NRG1: variants seen among roughly 807,000 people sequenced by gnomAD.
NRG1 encodes pro-neuregulin-1, membrane-bound isoform.
NRG1 carries 18 observed loss-of-function variants against 63.8 expected under a neutral mutation model. The ratio of observed to expected loss-of-function variants is 0.28; its 90% CI spans 0.19 to 0.42. The LOEUF is 0.42. Among genes scored for constraint, NRG1 ranks in the 10% least tolerant of loss-of-function variants. The pLI is 1.00. For synonymous variants in NRG1, 302 were observed against 301.3 expected, an observed-to-expected ratio of 1.00 and a Z score of -0.02; for missense variants, 762 against 814.7, an observed-to-expected ratio of 0.94 and a Z score of 0.79.
At chr8:32,158,969 G>A (rs955270885) in intron 1 of NRG1, among the ~76,000 whole-genome samples, 2 of 152,122 alleles carry the variant, frequency 1.3e-5, no homozygotes, top group Admixed American at 6.5e-5. Context: ...TCTGGCAGGG[G>A]TCAGTGCTGC....
chr8:32,346,154 T>C (rs1163781391), intron 1 of NRG1, among the ~76,000 whole-genome samples: 2 of 147,464 alleles, frequency 1.4e-5, no homozygotes, highest in African/African-American at 2.5e-5. Flanking sequence ...ATAAATTATA[T>C]ATATAATTAT....
rs1029302069 is a variant in NRG1 at position 32,758,187 on chromosome 8, G to T, written c.922-1119G>T. Among the ~76,000 whole-genome samples the T allele has an allele frequency of 7.2e-5, 11 of 151,988 alleles. No homozygotes were observed. The South Asian group carries it at 2.3e-3, about 32-fold the overall frequency. On this transcript the variant is annotated intron_variant, in intron 9 of 11. Transcript: ENST00000356819. ...GTTTTCCTATTATTTAACTCAATTT[G>T]GTATAAATACTAACAGCAATTAAAA... is the stretch of plus-strand genomic sequence containing the variant.
chr8:32,487,945 C>T (rs778037786), intron 1 of NRG1, among the ~76,000 whole-genome samples: 5 of 152,138 alleles, frequency 3.3e-5, no homozygotes, highest in Non-Finnish European at 5.9e-5. Flanking sequence ...GGTTGTGCAA[C>T]AAGGGTACAA....
intron 1 of NRG1, among the ~76,000 whole-genome samples, chr8:31,932,075 C>A (rs1834911769): frequency 6.6e-6 from 1 of 152,008 alleles, no homozygotes; most frequent in Non-Finnish European, 1.5e-5. Context: ...GGCTCATCTC[C>A]TTTCCCCCCA....
At chr8:32,197,003 A>G (rs969701892) in intron 1 of NRG1, among the ~76,000 whole-genome samples, 1 of 108,354 alleles carries the variant, frequency 9.2e-6, no homozygotes, top group South Asian at 3.4e-4. Context: ...TCTGTCACCC[A>G]GGCTGGAGTG....
chr8:32,593,710 G>A (rs555719367), intron 1 of NRG1, among the ~76,000 whole-genome samples: 3 of 151,932 alleles, frequency 2.0e-5, no homozygotes, highest in African/African-American at 7.3e-5. Context: ...ATGATCTTAA[G>A]GAGTTAACAG....
chr8:32,767,630 TTTA>T (rs1468277009), exon 12 of NRG1: 1 of 152,236 alleles, frequency 6.6e-6, no homozygotes, highest in Non-Finnish European at 1.5e-5. Flanking sequence ...CATAATGTCC[TTTA>T]TTATTTATAT....
chr8:32,408,489 G>T (rs971065872), intron 1 of NRG1, among the ~76,000 whole-genome samples: 4 of 152,134 alleles, frequency 2.6e-5, no homozygotes, highest in African/African-American at 9.7e-5. Context: ...AGTTATTTGG[G>T]GAAGGAATGG....
At chr8:32,407,009 G>A (rs1329568524) in intron 1 of NRG1, among the ~76,000 whole-genome samples, 1 of 151,528 alleles carries the variant, frequency 6.6e-6, no homozygotes, top group Non-Finnish European at 1.5e-5. Flanking sequence ...GAAGAGTGTG[G>A]GATTCAGCTT....
chr8:31,885,753 C>CAGTTGTGTTTTGCTGCTG (rs1368706230), intron 1 of NRG1, among the ~76,000 whole-genome samples: 1 of 152,064 alleles, frequency 6.6e-6, no homozygotes, highest in Non-Finnish European at 1.5e-5. Flanking sequence ...CTTCCTTATG[C>CAGTTGTGTTTTGCTGCTG]AGTTGTGTTT....
At chr8:32,084,059 C>T (rs1445954881) in intron 1 of NRG1, among the ~76,000 whole-genome samples, 1 of 152,020 alleles carries the variant, frequency 6.6e-6, no homozygotes. Context: ...ATAGATAGTA[C>T]TAGAAAGAAA....
intron 1 of NRG1, among the ~76,000 whole-genome samples, chr8:32,569,821 T>C (rs1026634758): frequency 6.6e-6 from 1 of 152,006 alleles, no homozygotes; most frequent in Non-Finnish European, 1.5e-5. Context: ...TCAGTTCCTT[T>C]TCCCATCCGT....
At chr8:32,676,490 A>G (rs527997507) in intron 5 of NRG1, among the ~76,000 whole-genome samples, 10 of 152,326 alleles carry the variant, frequency 6.6e-5, no homozygotes, top group African/African-American at 2.4e-4. Context: ...TAACTCTGCC[A>G]TTTACTGCTC....
rs781754647 is a variant in NRG1 at position 31,958,080 on chromosome 8, T to TAGATAGATAGATAGATAGATAGATAGAC, written c.37+318652_37+318653insTAGATAGATAGATAGATAGATAGACAGA. 2.0e-5 allele frequency among the ~76,000 whole-genome samples: 3 copies of TAGATAGATAGATAGATAGATAGATAGAC among 151,672 alleles called. No homozygotes were observed. In the East Asian group the frequency reaches 5.8e-4, roughly 29 times the overall value. The stretch of plus-strand genomic sequence containing the variant: ...ATAGATAGATAGATAGATAGATAGA[T>TAGATAGATAGATAGATAGATAGATAGAC]AGACAGACAGATAGATAGGCAGAGA... On this transcript the variant is annotated intron_variant, in intron 1 of 10. Transcript: ENST00000519301.
At chr8:32,749,779 GT>G in intron 7 of NRG1, 2 of 615,346 alleles carry the variant, frequency 3.3e-6, no homozygotes, top group Non-Finnish European at 5.7e-6. Flanking sequence ...AGTGCAGCAG[GT>G]TTTAGATTCC....
chr8:32,381,441 C>T (rs1810332573), intron 1 of NRG1, among the ~76,000 whole-genome samples: 1 of 152,140 alleles, frequency 6.6e-6, no homozygotes, highest in African/African-American at 2.4e-5. Context: ...CAGCTGTGTA[C>T]CCTGTTCAAT....
At chr8:32,405,349 T>G (rs1231401368) in intron 1 of NRG1, among the ~76,000 whole-genome samples, 2 of 152,202 alleles carry the variant, frequency 1.3e-5, no homozygotes, top group Non-Finnish European at 2.9e-5. Flanking sequence ...CTACTCCCAT[T>G]TGAAGCCACC....
intron 1 of NRG1, among the ~76,000 whole-genome samples, chr8:32,550,932 A>G (rs973239388): frequency 6.6e-5 from 10 of 151,978 alleles, no homozygotes; most frequent in Non-Finnish European, 1.5e-4. Flanking sequence ...GGGACTTTTT[A>G]CCCCCTTCGA....
chr8:32,291,421 G>T (rs1205693902), intron 1 of NRG1, among the ~76,000 whole-genome samples: 1 of 151,384 alleles, frequency 6.6e-6, no homozygotes, highest in Non-Finnish European at 1.5e-5. Flanking sequence ...TTGAGTGTTT[G>T]TAAAGCAGTT....
Sources: allele counts gnomAD v4.1 joint callset (sites outside exome capture counted in the v4.1 genomes callset), GRCh38; gene constraint gnomAD v4.1.1; transcripts MANE v1.5; gene names NCBI Gene and HGNC (gene_info 2026-07-23, HGNC 2026-07-21).